CLEC7A: variants seen among roughly 807,000 people sequenced by gnomAD.
The protein encoded by CLEC7A is C-type lectin domain family 7 member A.
Under a neutral mutation model 26.9 loss-of-function variants are expected in CLEC7A, and 25 were observed. The ratio of observed to expected loss-of-function variants is 0.93; its 90% CI spans 0.68 to 1.30. The LOEUF is 1.30. Ranked by LOEUF, CLEC7A falls within the 50% of genes most tolerant of loss-of-function variation. The pLI, the probability that CLEC7A is intolerant of heterozygous loss-of-function variation, is 0.00. For synonymous variants in CLEC7A, 100 were observed against 99.5 expected, an observed-to-expected ratio of 1.01 and a Z score of -0.03; for missense variants, 275 against 286.7, an observed-to-expected ratio of 0.96 and a Z score of 0.29.
At chr12:10,118,723 TAAATC>T (rs1258148325) in intron 5 of CLEC7A, 133 bp from the exon 6 acceptor site, 10 of 699,556 alleles carry the variant, frequency 1.4e-5, no homozygotes, top group Non-Finnish European at 2.2e-5. Context: ...AAAGGAGGCT[TAAATC>T]TAAATTGTTG....
At chr12:10,124,752 G>A (rs1441051471) in intron 4 of CLEC7A, 1 of 152,168 alleles carries the variant, frequency 6.6e-6, no homozygotes, top group Admixed American at 6.5e-5. Context: ...AATGGGTAGT[G>A]TCCTGATTAT....
At chr12:10,129,163 C>CAT (rs1334484488) in intron 1 of CLEC7A, among the ~76,000 whole-genome samples, 2 of 152,038 alleles carry the variant, frequency 1.3e-5, no homozygotes, top group African/African-American at 4.8e-5. Context: ...TTTTATCTAC[C>CAT]ATATGTTCAT....
rs11053597 is a variant in CLEC7A at position 10,118,339 on chromosome 12, G to T, written c.*119C>A. 92,461 of 930,480 alleles carry T rather than the reference G, an allele frequency of 0.099. 6,614 individuals are homozygous for T. Among genetic ancestry groups the T allele is most frequent in the African/African-American group, 0.33 (19,251 of 58,298 alleles). The allele number at this position is 930,480 out of a possible 1,614,324, so 57.6% of individuals were successfully genotyped here. On this transcript the variant is annotated 3_prime_UTR_variant, in exon 6 of 6. Coordinates refer to ENST00000304084, the MANE Select transcript of CLEC7A (RefSeq NM_197947.3). Reference sequence around the variant, plus strand: ...CAATTTCTTGGTTAAGATTACAGTTGGCCAAGCTCTCTAAACATTTTCTGC... The same window carrying T: ...CAATTTCTTGGTTAAGATTACAGTTTGCCAAGCTCTCTAAACATTTTCTGC...
intron 5 of CLEC7A, among the ~76,000 whole-genome samples, chr12:10,120,617 G>A (rs1263709816): frequency 4.7e-5 from 7 of 149,110 alleles, no homozygotes; most frequent in African/African-American, 1.5e-4. Flanking sequence ...TTGTAGAGAT[G>A]GGGTTTCACC....
In CLEC7A at chr12:10,117,864, T is replaced by A. The variant is rs1947958561; in HGVS notation, c.*594A>T. ...ATAGAGCCAGAAATTAAGATTCGCT[T>A]ATGGCTTACCCAAGGTAAATGCCAA... is the stretch of plus-strand genomic sequence containing the variant. On this transcript the variant is annotated 3_prime_UTR_variant, in exon 6 of 6. Transcript: ENST00000304084. 1 of 152,572 alleles carries A rather than the reference T, an allele frequency of 6.6e-6. No individual in the cohort carries two copies. Among genetic ancestry groups the A allele is most frequent in the African/African-American group, 2.4e-5 (1 of 41,446 alleles). The allele number at this position is 152,572 out of a possible 1,614,324, so 9.5% of individuals were successfully genotyped here. A position where few individuals can be genotyped will look rare whatever the true frequency, so the allele number is the denominator to read the frequency against.
intron 1 of CLEC7A, among the ~76,000 whole-genome samples, chr12:10,128,207 A>AACACACACACACACACACAC (rs71860807): frequency 1.5e-4 from 20 of 132,856 alleles, no homozygotes; most frequent in African/African-American, 5.4e-4. Context: ...ACCCTGTTAA[A>AACACACACACACACACACAC]ACACACACAC....
In CLEC7A at chr12:10,130,160, A is replaced by G. The variant is rs1948444668; in HGVS notation, c.-78T>C. The stretch of plus-strand genomic sequence containing the variant: ...GCTCCTGAGATGACTGTCTGTGGAC[A>G]AAAGAGAATCTCTGAGTCAAATCAT... On this transcript the variant is annotated 5_prime_UTR_variant, in exon 1 of 6. Coordinates refer to ENST00000304084, the MANE Select transcript of CLEC7A (RefSeq NM_197947.3). The G allele has an allele frequency of 1.4e-6, 1 of 692,922 alleles. No homozygotes were observed. The highest frequency in any genetic ancestry group is 2.5e-6 in the Non-Finnish European group (1 of 392,892). 42.9% of individuals were successfully genotyped at this position (692,922 alleles called of 1,614,324 possible).
At chr12:10,124,402 A>G (rs1193893545) in intron 4 of CLEC7A, among the ~76,000 whole-genome samples, 1 of 152,132 alleles carries the variant, frequency 6.6e-6, no homozygotes, top group Admixed American at 6.5e-5. Flanking sequence ...TTGAAGCTCT[A>G]CCCTTCATTC....
intron 4 of CLEC7A, 29 bp downstream of exon 4, chr12:10,125,268 A>C: frequency 6.2e-7 from 1 of 1,600,774 alleles, no homozygotes; most frequent in Non-Finnish European, 8.5e-7. Context: ...TACACACCAC[A>C]GATAATCATA....
intron 2 of CLEC7A, chr12:10,126,970 A>C (rs1948310901): frequency 9.1e-7 from 1 of 1,099,474 alleles, no homozygotes; most frequent in African/African-American, 1.6e-5. Context: ...AGAATGAGGG[A>C]GGCAGCAAGA....
At position 10,117,530 on chromosome 12, in the gene CLEC7A, C is replaced by CAAAAAAAAAAA. The variant is rs138543476; in HGVS notation, c.*917_*927dup. On this transcript the variant is annotated 3_prime_UTR_variant, in exon 6 of 6. Coordinates refer to ENST00000304084, the MANE Select transcript of CLEC7A (RefSeq NM_197947.3). Reference sequence around the variant, plus strand: ...GGGCAACAAGAGCGAAACTCTGTCTCAAAAAAAAAAAAAAAAAAAAAGATT... The same window carrying CAAAAAAAAAAA: ...GGGCAACAAGAGCGAAACTCTGTCTCAAAAAAAAAAAAAAAAAAAAAAAAAAAAAAAAGATT... 1 of 57,024 alleles carries CAAAAAAAAAAA rather than the reference C, an allele frequency of 1.8e-5. No homozygotes were observed. Among genetic ancestry groups the CAAAAAAAAAAA allele is most frequent in the African/African-American group, 6.1e-5 (1 of 16,454 alleles). 3.5% of individuals were successfully genotyped at this position (57,024 alleles called of 1,614,324 possible). A position where few individuals can be genotyped will look rare whatever the true frequency, so the allele number is the denominator to read the frequency against.
chr12:10,126,237 C>T (rs1338980090), intron 3 of CLEC7A: 1 of 981,202 alleles, frequency 1.0e-6, no homozygotes, highest in East Asian at 1.1e-4. Context: ...AATGTCAATT[C>T]TGTAAGGGGA....
At chr12:10,126,739 G>GA (rs1565408141) in intron 2 of CLEC7A, 31 bp from the exon 3 acceptor site, 7 of 1,544,304 alleles carry the variant, frequency 4.5e-6, no homozygotes, top group South Asian at 1.2e-5. Context: ...AATAGTGACA[G>GA]AAAAAATGTC....
Position 10,125,319 on chromosome 12 carries a change from T to C in CLEC7A, c.470A>G (p.Lys157Arg), listed in dbSNP as rs1483055165. The part of the protein sequence containing the change: ...QCWQLGSNLL[K>R]IDSSNELGFI... The stretch of plus-strand genomic sequence containing the variant: ...TACCAATTCATTTGAGCTGTCTATC[T>C]TTAGGAGATTAGAGCCCAGTTGCCA... The change falls in exon 4 of 6, where the codon AAG becomes AGG. Residue 157 changes from lysine to arginine, a missense_variant. By Grantham distance (26) the Lys-to-Arg change is conservative. Coordinates refer to ENST00000304084, the MANE Select transcript of CLEC7A (RefSeq NM_197947.3). 6.2e-7 allele frequency: 1 copy of C among 1,613,822 alleles called. No homozygotes were observed. The highest frequency in any genetic ancestry group is 8.5e-7 in the Non-Finnish European group (1 of 1,179,908).
intron 3 of CLEC7A, chr12:10,126,048 G>T (rs1948270997): frequency 6.2e-6 from 2 of 325,200 alleles, no homozygotes; most frequent in African/African-American, 2.2e-5. Flanking sequence ...TTAAGTAAAT[G>T]AAATTGTATG....
chr12:10,123,855 CCTAT>C (rs1460032749), intron 4 of CLEC7A, among the ~76,000 whole-genome samples: 2 of 151,648 alleles, frequency 1.3e-5, no homozygotes, highest in African/African-American at 2.4e-5. Context: ...TCTCAAAAGG[CCTAT>C]CTTATTTATT....
In CLEC7A at chr12:10,130,148, C is replaced by T. The variant is rs56981363; in HGVS notation, c.-66G>A. ...TCTTTTCTTTCTGCTCCTGAGATGA[C>T]TGTCTGTGGACAAAAGAGAATCTCT... On this transcript the variant is annotated 5_prime_UTR_variant, in exon 1 of 6. Transcript: ENST00000304084. 11,316 of 699,828 alleles carry T rather than the reference C, an allele frequency of 0.016. 924 individuals are homozygous for T. In the African/African-American group the frequency reaches 0.18, roughly 11 times the overall value. 43.4% of individuals were successfully genotyped at this position (699,828 alleles called of 1,614,324 possible). A position where few individuals can be genotyped will look rare whatever the true frequency, so the allele number is the denominator to read the frequency against.
At chr12:10,122,484 C>CTTTTTTTTTTTTTTTTTTTTTTTT (rs143612827) in intron 5 of CLEC7A, among the ~76,000 whole-genome samples, 1 of 128,844 alleles carries the variant, frequency 7.8e-6, no homozygotes, top group African/African-American at 3.1e-5. Flanking sequence ...TTCTTTTTTT[C>CTTTTTTTTTTTTTTTTTTTTTTTT]TTTTTTTTTT....
At chr12:10,119,481 T>A (rs759687268) in intron 5 of CLEC7A, among the ~76,000 whole-genome samples, 18 of 152,192 alleles carry the variant, frequency 1.2e-4, no homozygotes, top group Non-Finnish European at 2.4e-4. Context: ...AAAAAAGTAG[T>A]AACATATCAA....
Sources: gnomAD v4.1 joint callset for allele counts (sites outside exome capture counted in the v4.1 genomes callset) on GRCh38, gnomAD v4.1.1 for gene constraint, MANE v1.5 for transcripts, NCBI Gene and HGNC (gene_info 2026-07-23, HGNC 2026-07-21) for gene names.